Variants in ARHGAP31 observed in about 807,000 individuals in gnomAD.
The protein encoded by ARHGAP31 is rho GTPase-activating protein 31.
Under a neutral mutation model 113.9 loss-of-function variants are expected in ARHGAP31, and 34 were observed. That is an observed-to-expected ratio of 0.30 (90% CI 0.23 to 0.40). The LOEUF (loss-of-function observed/expected upper bound fraction) is 0.40. Ranked by LOEUF, ARHGAP31 falls within the 10% of genes least tolerant of loss-of-function variation. The pLI is 1.00. For missense variants in ARHGAP31, 1,548 were observed against 1,767.1 expected (o/e 0.88, Z 2.22); for synonymous variants, 650 against 684.8 (o/e 0.95, Z 0.79).
At chr3:119,334,036 C>G (rs2079919370) in intron 1 of ARHGAP31, among the ~76,000 whole-genome samples, 1 of 152,138 alleles carries the variant, frequency 6.6e-6, no homozygotes, top group Non-Finnish European at 1.5e-5. Context: ...CCAGATGTGC[C>G]CTAGACAGTG....
intron 5 of ARHGAP31, 105 bp downstream of exon 5, chr3:119,382,504 C>A: frequency 1.7e-6 from 2 of 1,144,094 alleles, no homozygotes; most frequent in Non-Finnish European, 2.5e-6. Context: ...TAAAACAAAT[C>A]TGTGGCTTAA....
chr3:119,366,040 G>C (rs920134140), intron 2 of ARHGAP31, among the ~76,000 whole-genome samples: 1 of 151,976 alleles, frequency 6.6e-6, no homozygotes, highest in African/African-American at 2.4e-5. Context: ...ATTAAATAAA[G>C]AGGGCAAAAC....
chr3:119,367,887 CAATT>C (rs1232730986), intron 2 of ARHGAP31, among the ~76,000 whole-genome samples: 1 of 150,066 alleles, frequency 6.7e-6, no homozygotes, highest in Non-Finnish European at 1.5e-5. Context: ...AAAAGATAGT[CAATT>C]AAAGTTCTCA....
chr3:119,411,742 A>T (rs899559832), intron 11 of ARHGAP31, among the ~76,000 whole-genome samples: 1 of 152,224 alleles, frequency 6.6e-6, no homozygotes, highest in Admixed American at 6.5e-5. Flanking sequence ...ATTTTGATAA[A>T]GTAATCCCAC....
At position 119,337,756 on chromosome 3, in the gene ARHGAP31, T is replaced by C. The variant is rs192514642; in HGVS notation, c.101-27560T>C. On this transcript the variant is annotated intron_variant, in intron 1 of 11. Transcript: ENST00000264245. The stretch of plus-strand genomic sequence containing the variant: ...TACAGTCCTTTAGCTAGACAGAAAA[T>C]TTCTCCAAGTGCCCTACCGGATTAG... 2.6e-5 allele frequency among the ~76,000 whole-genome samples: 4 copies of C among 152,108 alleles called. No homozygotes were observed. In the East Asian group the frequency reaches 7.7e-4, roughly 29 times the overall value.
intron 1 of ARHGAP31, among the ~76,000 whole-genome samples, chr3:119,361,714 C>T (rs76374816): frequency 2.9e-3 from 441 of 152,248 alleles, no homozygotes; most frequent in African/African-American, 9.6e-3. Context: ...CAGAATCATC[C>T]GGAGGATGCC....
Position 119,415,609 on chromosome 3 carries a change from A to G in ARHGAP31, c.3680A>G (p.Gln1227Arg). Residue 1227 changes from glutamine (Q) to arginine (R), a missense_variant, in exon 12 of 12, where the codon CAG becomes CGG. By Grantham distance (43) the Gln-to-Arg change is conservative. Transcript: ENST00000264245. The stretch of plus-strand genomic sequence containing the variant: ...CAGAGCTCAGGGGAGAATGGGGTTC[A>G]GCCTCTGGAGAGGAGCCAGGAGGGA... ...PSQSSGENGV[Q>R]PLERSQEGPS... 1 of 1,614,168 alleles carries G rather than the reference A, an allele frequency of 6.2e-7. No homozygotes were observed. Among genetic ancestry groups the G allele is most frequent in the Non-Finnish European group, 8.5e-7 (1 of 1,180,022 alleles).
At position 119,417,395 on chromosome 3, in the gene ARHGAP31, T is replaced by C. The variant is rs962529612; in HGVS notation, c.*1131T>C. 2 of 152,140 alleles carry C rather than the reference T, an allele frequency of 1.3e-5. No individual in the cohort carries two copies. Among genetic ancestry groups the C allele is most frequent in the African/African-American group, 4.8e-5 (2 of 41,434 alleles). 9.4% of individuals were successfully genotyped at this position (152,140 alleles called of 1,614,324 possible). A position where few individuals can be genotyped will look rare whatever the true frequency, so the allele number is the denominator to read the frequency against. On this transcript the variant is annotated 3_prime_UTR_variant, in exon 12 of 12. Coordinates refer to ENST00000264245, the MANE Select transcript of ARHGAP31 (RefSeq NM_020754.4). ...CACTGAGAGTTGCCCTTCTTAAAAA[T>C]GTATTTTATTTTAGCCAGTGGGTCC...
intron 7 of ARHGAP31, 53 bp from the exon 8 acceptor site, chr3:119,393,414 C>G: frequency 6.2e-7 from 1 of 1,609,132 alleles, no homozygotes; most frequent in Non-Finnish European, 8.5e-7. Flanking sequence ...ATTTAAAAGT[C>G]CCCTTGAAAT....
chr3:119,358,805 T>C (rs887856897), intron 1 of ARHGAP31, among the ~76,000 whole-genome samples: 1 of 152,002 alleles, frequency 6.6e-6, no homozygotes, highest in African/African-American at 2.4e-5. Flanking sequence ...CCATAGAAAA[T>C]AGAACGTTGA....
At chr3:119,382,935 T>G in intron 5 of ARHGAP31, 149 bp from the exon 6 acceptor site, 1 of 1,041,990 alleles carries the variant, frequency 9.6e-7, no homozygotes, top group East Asian at 2.5e-5. Context: ...CTTTGGAGAG[T>G]TCCTTTAATT....
At chr3:119,391,911 C>T (rs182449934) in intron 7 of ARHGAP31, among the ~76,000 whole-genome samples, 1 of 152,238 alleles carries the variant, frequency 6.6e-6, no homozygotes, top group East Asian at 1.9e-4. Flanking sequence ...AGCCCCACTG[C>T]TCCTTTCCCT....
chr3:119,356,693 C>T (rs1009195783), intron 1 of ARHGAP31, among the ~76,000 whole-genome samples: 1 of 151,976 alleles, frequency 6.6e-6, no homozygotes, highest in Non-Finnish European at 1.5e-5. Flanking sequence ...TTCTGGTCTG[C>T]CTAACAATAT....
chr3:119,385,463 G>A (rs78498790), intron 6 of ARHGAP31, among the ~76,000 whole-genome samples: 6,226 of 152,144 alleles, frequency 0.041, 397 homozygotes, highest in African/African-American at 0.14. Flanking sequence ...TATTATATAT[G>A]TAGGAGTGGC....
rs567162842 is a variant in ARHGAP31, at chr3:119,404,053, C to T, written c.1645+1656C>T. Among the ~76,000 whole-genome samples the T allele has an allele frequency of 3.3e-5, 5 of 152,258 alleles. No individual in the cohort carries two copies. The East Asian group carries it at 7.7e-4, about 23-fold the overall frequency. ...GATGGGTACGCAGATGAGCAAATCT[C>T]GGGGTATCAAGTGATGCCTTGTCTG... is the stretch of plus-strand genomic sequence containing the variant. On this transcript the variant is annotated intron_variant, in intron 10 of 11. Transcript: ENST00000264245.
rs143737497 is a variant in ARHGAP31, at chr3:119,365,022, A to G, written c.101-294A>G. Among the ~76,000 whole-genome samples the G allele has an allele frequency of 0.017, 2,621 of 152,250 alleles. 47 individuals are homozygous for G. The highest frequency in any genetic ancestry group is 0.061 in the East Asian group (313 of 5,166). ...GGCAAGAGAATTGCTTGAACCCAGG[A>G]GGTGGAGGTTGAAGTGAGCCAAGAT... On this transcript the variant is annotated intron_variant, in intron 1 of 11. Transcript: ENST00000264245.
intron 1 of ARHGAP31, among the ~76,000 whole-genome samples, chr3:119,352,716 A>T (rs1470773311): frequency 1.3e-5 from 2 of 152,206 alleles, no homozygotes; most frequent in Non-Finnish European, 2.9e-5. Flanking sequence ...AGTATTGGAC[A>T]TTATTCTACA....
At chr3:119,366,687 G>T (rs1010906020) in intron 2 of ARHGAP31, among the ~76,000 whole-genome samples, 1 of 152,048 alleles carries the variant, frequency 6.6e-6, no homozygotes, top group Non-Finnish European at 1.5e-5. Context: ...CTTGACAAGA[G>T]AAATCTTTGG....
chr3:119,299,257 G>T (rs2079560082), intron 1 of ARHGAP31, among the ~76,000 whole-genome samples: 1 of 152,156 alleles, frequency 6.6e-6, no homozygotes, highest in Non-Finnish European at 1.5e-5. Context: ...TGTAATCTCT[G>T]CTCAGATTAC....
Sources: gnomAD v4.1 joint callset for allele counts (sites outside exome capture counted in the v4.1 genomes callset) on GRCh38, gnomAD v4.1.1 for gene constraint, MANE v1.5 for transcripts, NCBI Gene and HGNC (gene_info 2026-07-23, HGNC 2026-07-21) for gene names.